The following KAZN variants were observed in gnomAD, a reference collection of about 807,000 sequenced individuals.
KAZN encodes kazrin.
A neutral mutation model predicts 87.4 loss-of-function variants in KAZN; 40 were observed. The ratio of observed to expected loss-of-function variants is 0.46; its 90% CI spans 0.36 to 0.60. The LOEUF is 0.60. Ranked by LOEUF, KAZN falls within the 20% of genes least tolerant of loss-of-function variation. KAZN has a pLI of 0.00. For missense variants in KAZN, 898 were observed against 1,073.9 expected (o/e 0.84, Z 2.29); for synonymous variants, 466 against 458.3 (o/e 1.02, Z -0.22).
At chr1:14,687,831 C>T (rs1244266737) in intron 1 of KAZN, among the ~76,000 whole-genome samples, 1 of 152,180 alleles carries the variant, frequency 6.6e-6, no homozygotes, top group Admixed American at 6.5e-5. Flanking sequence ...TTCTGTTCTG[C>T]AGTTTTAATT....
At chr1:14,146,740 T>G (rs1353656903) in intron 1 of KAZN, among the ~76,000 whole-genome samples, 2 of 151,416 alleles carry the variant, frequency 1.3e-5, no homozygotes, top group Non-Finnish European at 2.9e-5. Context: ...GGGAGTGACT[T>G]GATGACAGTT....
At chr1:14,322,018 G>T (rs763261267) in intron 2 of KAZN, among the ~76,000 whole-genome samples, 3 of 152,066 alleles carry the variant, frequency 2.0e-5, no homozygotes, top group Admixed American at 6.5e-5. Flanking sequence ...TCACTCTAAG[G>T]GCTTTATAGC....
chr1:15,085,484 C>T (rs769358533), intron 8 of KAZN, among the ~76,000 whole-genome samples: 52 of 152,270 alleles, frequency 3.4e-4, no homozygotes, highest in East Asian at 1.9e-4. Flanking sequence ...TCTGCCACCA[C>T]GCCCAGCTAA....
At chr1:13,946,320 G>C (rs12566561) in intron 1 of KAZN, among the ~76,000 whole-genome samples, 21,112 of 152,098 alleles carry the variant, frequency 0.14, 1,560 homozygotes, top group Middle Eastern at 0.22. Flanking sequence ...GCGAAGAGTT[G>C]CGATTCTGGA....
intron 2 of KAZN, among the ~76,000 whole-genome samples, chr1:14,195,346 A>T (rs1392624246): frequency 6.6e-6 from 1 of 151,882 alleles, no homozygotes; most frequent in African/African-American, 2.4e-5. Context: ...CCTCCTCTTC[A>T]TTCTGCGTTG....
intron 2 of KAZN, among the ~76,000 whole-genome samples, chr1:15,007,414 G>A (rs528003966): frequency 6.6e-6 from 1 of 152,358 alleles, no homozygotes; most frequent in East Asian, 1.9e-4. Context: ...TACCTTTGAG[G>A]TGCAGACATT....
At chr1:14,825,751 G>A (rs1260574332) in intron 1 of KAZN, among the ~76,000 whole-genome samples, 1 of 152,130 alleles carries the variant, frequency 6.6e-6, no homozygotes, top group Non-Finnish European at 1.5e-5. Flanking sequence ...CCCCACCTGT[G>A]TGTTCTTCAT....
chr1:14,251,493 C>G (rs1650023915), intron 2 of KAZN, among the ~76,000 whole-genome samples: 1 of 152,040 alleles, frequency 6.6e-6, no homozygotes, highest in Non-Finnish European at 1.5e-5. Flanking sequence ...TGCTCAGACT[C>G]CTTATTAAGA....
intron 8 of KAZN, among the ~76,000 whole-genome samples, chr1:15,089,882 C>A (rs1640454198): frequency 6.6e-6 from 1 of 151,968 alleles, no homozygotes; most frequent in African/African-American, 2.4e-5. Context: ...TGGAGAACAT[C>A]TTACCTGAAT....
At chr1:14,280,861 T>C (rs1033785385) in intron 2 of KAZN, among the ~76,000 whole-genome samples, 1 of 152,216 alleles carries the variant, frequency 6.6e-6, no homozygotes, top group African/African-American at 2.4e-5. Context: ...TGCCTCATAA[T>C]GACTCTAAAA....
At chr1:15,058,047 C>T (rs993930658) in intron 5 of KAZN, among the ~76,000 whole-genome samples, 2 of 152,230 alleles carry the variant, frequency 1.3e-5, no homozygotes, top group African/African-American at 4.8e-5. Flanking sequence ...GGAAGCCTTC[C>T]GTGCTCTCTC....
At chr1:14,979,169 T>C (rs1010585759) in intron 2 of KAZN, among the ~76,000 whole-genome samples, 17 of 151,892 alleles carry the variant, frequency 1.1e-4, no homozygotes, top group Admixed American at 1.3e-4. Context: ...CCCAGCACTT[T>C]GGGAGGCCAA....
At chr1:14,408,972 G>C (rs1382814076) in intron 2 of KAZN, among the ~76,000 whole-genome samples, 3 of 152,164 alleles carry the variant, frequency 2.0e-5, no homozygotes, top group African/African-American at 7.2e-5. Flanking sequence ...TTTAAGATGA[G>C]ACCAGAGGAT....
chr1:14,598,702 C>T lies in KAZN; in HGVS notation c.-296C>T, dbSNP rs1414351905. 2 of 1,314,758 alleles carry T rather than the reference C, an allele frequency of 1.5e-6. No homozygotes were observed. Among genetic ancestry groups the T allele is most frequent in the East Asian group, 3.3e-5 (1 of 30,728 alleles). The allele number at this position is 1,314,758 out of a possible 1,614,324, so 81.4% of individuals were successfully genotyped here. A position where few individuals can be genotyped will look rare whatever the true frequency, so the allele number is the denominator to read the frequency against. On this transcript the variant is annotated 5_prime_UTR_variant, in exon 1 of 15. Coordinates refer to ENST00000376030, the MANE Select transcript of KAZN (RefSeq NM_201628.3). The surrounding 1 kb of genome is among the most constrained non-coding windows in gnomAD (Gnocchi z 4.2). The stretch of plus-strand genomic sequence containing the variant: ...GCGGTGTCCTTCTTGGAGCAGCTCT[C>T]GGCGCCCGCCCGCCGGGGTCTCGGC...
At chr1:15,098,852 A>G (rs540462296) in intron 10 of KAZN, among the ~76,000 whole-genome samples, 57 of 152,294 alleles carry the variant, frequency 3.7e-4, no homozygotes, top group South Asian at 2.9e-3. Flanking sequence ...TGAGACAAAC[A>G]CTGGTGAGTG....
chr1:14,877,591 G>A (rs556879895), intron 1 of KAZN, among the ~76,000 whole-genome samples: 1 of 152,318 alleles, frequency 6.6e-6, no homozygotes, highest in Admixed American at 6.5e-5. Context: ...GACTCCGAAA[G>A]CCTGTGACAG....
chr1:14,520,829 C>T (rs1671547377), intron 2 of KAZN, among the ~76,000 whole-genome samples: 2 of 152,198 alleles, frequency 1.3e-5, no homozygotes, highest in Admixed American at 1.3e-4. Flanking sequence ...TCACCGGACT[C>T]AACTAAAAAA....
chr1:14,188,711 G>A (rs1646364194), intron 2 of KAZN, among the ~76,000 whole-genome samples: 1 of 152,084 alleles, frequency 6.6e-6, no homozygotes, highest in Non-Finnish European at 1.5e-5. Context: ...ATTATCCATG[G>A]GCAAAGCATT....
At position 14,076,700 on chromosome 1, in the gene KAZN, A is replaced by G. The variant is rs183634792; in HGVS notation, c.92-103735A>G. Among the ~76,000 whole-genome samples the G allele has an allele frequency of 7.6e-3, 1,162 of 152,302 alleles. 8 individuals are homozygous for G. Among genetic ancestry groups the G allele is most frequent in the Middle Eastern group, 0.031 (9 of 294 alleles). ...GTGCATATTACCTATGGCTGCTTTC[A>G]CCTGACCCCGGTGGAATTCAGTAAT... is the stretch of plus-strand genomic sequence containing the variant. On this transcript the variant is annotated intron_variant, in intron 1 of 16. Transcript: ENST00000636203.
Sources: allele counts gnomAD v4.1 joint callset (sites outside exome capture counted in the v4.1 genomes callset), GRCh38; gene constraint gnomAD v4.1.1; non-coding constraint Gnocchi (gnomAD v3.1); transcripts MANE v1.5; gene names NCBI Gene and HGNC (gene_info 2026-07-23, HGNC 2026-07-21).